INSL6: variants seen among roughly 807,000 people sequenced by gnomAD.
INSL6 encodes insulin like 6.
A neutral mutation model predicts 9.4 loss-of-function variants in INSL6; 16 were observed. That is an observed-to-expected ratio of 1.70 (90% CI 1.15 to 2.59). The LOEUF (loss-of-function observed/expected upper bound fraction) is 2.59, where lower values mean the gene tolerates loss of function less well. Ranked by LOEUF, INSL6 falls within the 30% of genes most tolerant of loss-of-function variation. The pLI, the probability that INSL6 is intolerant of heterozygous loss-of-function variation, is 0.00. For missense variants in INSL6, 391 were observed against 257.3 expected (o/e 1.52, Z -3.56); for synonymous variants, 154 against 96.9 (o/e 1.59, Z -3.46).
the INSL6 span, chr9:5,108,362 A>G: frequency 6.6e-6 from 1 of 152,074 alleles, no homozygotes; most frequent in East Asian, 1.9e-4. Flanking sequence ...ATGCAAGCTC[A>G]TATTTCCTAT....
the INSL6 span, chr9:5,078,524 T>G: frequency 2.0e-6 from 2 of 1,017,674 alleles, no homozygotes; most frequent in East Asian, 2.5e-5. Flanking sequence ...TTAATTTTCC[T>G]TGAATTCCAT....
At chr9:5,037,554 G>GT in the INSL6 span, among the ~76,000 whole-genome samples, 558 of 152,314 alleles carry the variant, frequency 3.7e-3, 4 homozygotes, top group African/African-American at 0.013. Flanking sequence ...CATGTCCTTT[G>GT]TAGGGACATG....
chr9:5,071,990 T>C, the INSL6 span, among the ~76,000 whole-genome samples: 5 of 152,338 alleles, frequency 3.3e-5, no homozygotes, highest in Middle Eastern at 3.4e-3. Flanking sequence ...TATTCACTTA[T>C]TGATCATAAC....
chr9:5,050,911 C>T, the INSL6 span: 2 of 1,250,410 alleles, frequency 1.6e-6, no homozygotes, highest in Non-Finnish European at 2.3e-6. Context: ...TGTGTTTACC[C>T]ATGCCTTTTG....
chr9:5,098,014 TATCTC>T, the INSL6 span: 1 of 152,180 alleles, frequency 6.6e-6, no homozygotes, highest in Non-Finnish European at 1.5e-5. Context: ...CATGAAATAT[TATCTC>T]ATCCTTAGGC....
the INSL6 span, chr9:5,091,523 T>G: frequency 2.0e-5 from 3 of 152,290 alleles, no homozygotes; most frequent in Admixed American, 2.0e-4. Context: ...AGCTGCCTTG[T>G]ATAATTATGG....
At chr9:5,085,608 T>TA in the INSL6 span, 2 of 698,978 alleles carry the variant, frequency 2.9e-6, no homozygotes, top group East Asian at 5.1e-5. Flanking sequence ...CAGAAAGAAT[T>TA]AAATCTCCAG....
chr9:5,117,713 A>ATT, the INSL6 span, among the ~76,000 whole-genome samples: 1 of 151,950 alleles, frequency 6.6e-6, no homozygotes, highest in Non-Finnish European at 1.5e-5. Context: ...AATATTTAAT[A>ATT]TGGTAAATAC....
chr9:5,080,595 C>A, the INSL6 span: 8 of 1,607,698 alleles, frequency 5.0e-6, no homozygotes, highest in African/African-American at 4.0e-5. Context: ...AATTAGCAAA[C>A]CTTATAAATA....
chr9:5,050,775 G>A, the INSL6 span: 1 of 1,613,558 alleles, frequency 6.2e-7, no homozygotes, highest in South Asian at 1.1e-5. Context: ...TGTTAGATAT[G>A]ATGAGAATAG....
the INSL6 span, among the ~76,000 whole-genome samples, chr9:5,003,043 T>C: frequency 1.3e-5 from 2 of 152,000 alleles, no homozygotes; most frequent in Non-Finnish European, 2.9e-5. Flanking sequence ...ATTAGGTAAC[T>C]GTATGTGAGT....
chr9:5,176,892 A>G (rs1360840639), intron 1 of INSL6, among the ~76,000 whole-genome samples: 1 of 152,228 alleles, frequency 6.6e-6, no homozygotes, highest in Non-Finnish European at 1.5e-5. Context: ...CCAAGTCACT[A>G]ACTAGTAAAT....
At chr9:5,168,696 G>C (rs1403043304) in intron 1 of INSL6, among the ~76,000 whole-genome samples, 1 of 152,036 alleles carries the variant, frequency 6.6e-6, no homozygotes, top group Non-Finnish European at 1.5e-5. Flanking sequence ...AAATTAGCAA[G>C]ACAGGCCAAA....
chr9:5,114,932 A>AAAACAAACAAACAAAC, the INSL6 span: 9 of 178,062 alleles, frequency 5.1e-5, no homozygotes, highest in African/African-American at 1.9e-4. Context: ...GCCTGCTCAG[A>AAAACAAACAAACAAAC]AAACAAACAA....
the INSL6 span, among the ~76,000 whole-genome samples, chr9:5,005,393 T>C: frequency 2.0e-5 from 3 of 152,148 alleles, no homozygotes; most frequent in Non-Finnish European, 4.4e-5. Flanking sequence ...GAAAATATTT[T>C]CTCCTGTTTT....
intron 1 of INSL6, among the ~76,000 whole-genome samples, chr9:5,165,281 G>A (rs1479857172): frequency 1.3e-5 from 2 of 152,174 alleles, no homozygotes; most frequent in African/African-American, 4.8e-5. Flanking sequence ...CATATGTTTT[G>A]AATTCTTTGG....
chr9:5,011,832 T>C, the INSL6 span, among the ~76,000 whole-genome samples: 12 of 152,226 alleles, frequency 7.9e-5, no homozygotes, highest in Non-Finnish European at 1.6e-4. Context: ...TTAGGCTTTG[T>C]TGGGACAGGT....
the INSL6 span, chr9:5,077,678 G>A: frequency 1.4e-6 from 1 of 699,356 alleles, no homozygotes; most frequent in Non-Finnish European, 2.2e-6. Flanking sequence ...ATCTGTAATT[G>A]GATGCCAATT....
the INSL6 span, among the ~76,000 whole-genome samples, chr9:5,118,686 A>T: frequency 1.3e-5 from 2 of 152,226 alleles, no homozygotes; most frequent in African/African-American, 4.8e-5. Flanking sequence ...TTGTTTGTGT[A>T]AGTGAGTGGA....
Sources: allele counts gnomAD v4.1 joint callset (sites outside exome capture counted in the v4.1 genomes callset), GRCh38; gene constraint gnomAD v4.1.1; transcripts MANE v1.5; gene names NCBI Gene and HGNC (gene_info 2026-07-23, HGNC 2026-07-21).